The following LINGO2 variants were observed in gnomAD, a reference collection of about 807,000 sequenced individuals.
LINGO2 encodes the protein leucine rich repeat and Ig domain containing 2, also known as leucine-rich repeat and immunoglobulin-like domain-containing nogo receptor-interacting protein 2.
LINGO2 carries 14 observed loss-of-function variants against 30.6 expected under a neutral mutation model. That is an observed-to-expected ratio of 0.46 (90% CI 0.30 to 0.72). The LOEUF (loss-of-function observed/expected upper bound fraction) is 0.72, where lower values mean the gene tolerates loss of function less well. LINGO2 is among the 30% of genes least tolerant of loss of function. The pLI is 0.07. For synonymous variants in LINGO2, 317 were observed against 288.5 expected (o/e 1.10, Z -1.00); for missense variants, 729 against 751.7 (o/e 0.97, Z 0.35).
At chr9:29,046,593 T>G in the LINGO2 span, among the ~76,000 whole-genome samples, 1 of 151,594 alleles carries the variant, frequency 6.6e-6, no homozygotes. Context: ...AAAAATCAAC[T>G]CAAAATTGAT....
intron 1 of LINGO2, among the ~76,000 whole-genome samples, chr9:28,512,341 C>T (rs1273447949): frequency 1.3e-5 from 2 of 151,726 alleles, no homozygotes; most frequent in East Asian, 3.9e-4. Context: ...CAGGGTCTTG[C>T]TCCAAAATCC....
intron 1 of LINGO2, among the ~76,000 whole-genome samples, chr9:28,540,963 T>A (rs1468722658): frequency 6.6e-6 from 1 of 152,210 alleles, no homozygotes; most frequent in East Asian, 1.9e-4. Context: ...TACAATGGTT[T>A]CATTTTCCTA....
At chr9:28,277,202 C>A (rs372039219) in intron 4 of LINGO2, among the ~76,000 whole-genome samples, 3 of 152,064 alleles carry the variant, frequency 2.0e-5, no homozygotes, top group Admixed American at 1.3e-4. Flanking sequence ...GTAATTCTGG[C>A]AATATATCAA....
intron 4 of LINGO2, among the ~76,000 whole-genome samples, chr9:28,109,397 C>T (rs566456082): frequency 2.2e-4 from 33 of 152,212 alleles, no homozygotes; most frequent in African/African-American, 7.7e-4. Context: ...CTGGCCAGGA[C>T]AATCAGGCAA....
At chr9:29,073,169 T>C in the LINGO2 span, among the ~76,000 whole-genome samples, 2 of 152,066 alleles carry the variant, frequency 1.3e-5, no homozygotes. Context: ...AAAATATATG[T>C]ATATATACAT....
chr9:28,396,136 A>T (rs1057075689), intron 2 of LINGO2, among the ~76,000 whole-genome samples: 1 of 152,164 alleles, frequency 6.6e-6, no homozygotes, highest in African/African-American at 2.4e-5. Flanking sequence ...CACGAAATGT[A>T]GAAGATTGAT....
intron 4 of LINGO2, among the ~76,000 whole-genome samples, chr9:28,121,485 C>T (rs190547850): frequency 3.3e-5 from 5 of 151,818 alleles, no homozygotes; most frequent in Admixed American, 3.3e-4. Flanking sequence ...TTTTTTCTTT[C>T]TTGTTGTTGG....
At chr9:29,063,245 A>G in the LINGO2 span, among the ~76,000 whole-genome samples, 2 of 152,176 alleles carry the variant, frequency 1.3e-5, no homozygotes, top group African/African-American at 2.4e-5. Flanking sequence ...GGGGGAAAAC[A>G]AAAGAGGGCA....
chr9:28,102,989 A>G (rs1826463409), intron 4 of LINGO2, among the ~76,000 whole-genome samples: 2 of 152,172 alleles, frequency 1.3e-5, no homozygotes, highest in Admixed American at 6.6e-5. Flanking sequence ...ACTCTGGAGA[A>G]TCCACAGTGA....
At chr9:28,639,704 C>T (rs1168734373) in intron 1 of LINGO2, among the ~76,000 whole-genome samples, 1 of 152,106 alleles carries the variant, frequency 6.6e-6, no homozygotes, top group East Asian at 1.9e-4. Context: ...TATTTTGAGC[C>T]TATGTGTGTC....
the LINGO2 span, among the ~76,000 whole-genome samples, chr9:28,876,249 T>A: frequency 7.2e-4 from 109 of 152,020 alleles, 1 homozygote; most frequent in South Asian, 8.5e-3. Flanking sequence ...TATTATTATT[T>A]TTATTTTATT....
chr9:29,127,293 A>C, the LINGO2 span, among the ~76,000 whole-genome samples: 1 of 152,094 alleles, frequency 6.6e-6, no homozygotes, highest in Non-Finnish European at 1.5e-5. Context: ...TTCTTTGTTC[A>C]AAATACCAAG....
chr9:29,115,490 C>A, the LINGO2 span, among the ~76,000 whole-genome samples: 1 of 151,822 alleles, frequency 6.6e-6, no homozygotes, highest in Admixed American at 6.6e-5. Flanking sequence ...GGGTTCAGAA[C>A]ATAATGTGGT....
At chr9:28,218,254 A>T (rs911878981) in intron 4 of LINGO2, among the ~76,000 whole-genome samples, 2 of 143,870 alleles carry the variant, frequency 1.4e-5, no homozygotes, top group Non-Finnish European at 3.0e-5. Flanking sequence ...TCCTACATGG[A>T]ATTAAGAATT....
intron 4 of LINGO2, among the ~76,000 whole-genome samples, chr9:28,132,229 T>A (rs1243764226): frequency 1.3e-5 from 2 of 152,212 alleles, no homozygotes. Flanking sequence ...TGACTTTTCT[T>A]TCTAGTTTAT....
At chr9:28,844,315 T>A in the LINGO2 span, among the ~76,000 whole-genome samples, 2 of 151,722 alleles carry the variant, frequency 1.3e-5, no homozygotes, top group Non-Finnish European at 2.9e-5. Flanking sequence ...TGAGCCAAGA[T>A]CATGCCATTG....
intron 5 of LINGO2, among the ~76,000 whole-genome samples, chr9:27,979,892 G>A (rs1184213818): frequency 1.3e-5 from 2 of 151,892 alleles, no homozygotes; most frequent in Non-Finnish European, 2.9e-5. Flanking sequence ...TGATAACTGA[G>A]AAAAATCAGT....
At chr9:28,855,867 C>A in the LINGO2 span, among the ~76,000 whole-genome samples, 6 of 152,064 alleles carry the variant, frequency 3.9e-5, no homozygotes, top group Non-Finnish European at 8.8e-5. Context: ...TTTAGTTCCT[C>A]CCTTCCATCC....
intron 4 of LINGO2, among the ~76,000 whole-genome samples, chr9:28,243,870 A>T (rs1821900781): frequency 6.6e-6 from 1 of 152,156 alleles, no homozygotes; most frequent in South Asian, 2.1e-4. Flanking sequence ...CCCACTCAAT[A>T]ATAGTGAGAG....
Sources: gnomAD v4.1 joint callset for allele counts (sites outside exome capture counted in the v4.1 genomes callset) on GRCh38, gnomAD v4.1.1 for gene constraint, MANE v1.5 for transcripts, NCBI Gene and HGNC (gene_info 2026-07-23, HGNC 2026-07-21) for gene names.